Variants in TTC39B observed in about 807,000 individuals in gnomAD.
The protein encoded by TTC39B is tetratricopeptide repeat protein 39B.
In TTC39B, 92 loss-of-function variants were observed where a neutral mutation model predicts 96.6. The ratio of observed to expected loss-of-function variants is 0.95; its 90% CI spans 0.80 to 1.13. The LOEUF (loss-of-function observed/expected upper bound fraction) is 1.13. TTC39B is among the 50% of genes most tolerant of loss of function. The probability of loss-of-function intolerance (pLI) is 0.00; values close to 1 mark genes in which losing one functional copy is unlikely to be tolerated. For missense variants in TTC39B, 955 were observed against 809.3 expected, an observed-to-expected ratio of 1.18 and a Z score of -2.18; for synonymous variants, 367 against 299.4, an observed-to-expected ratio of 1.23 and a Z score of -2.33.
rs577270923 is a variant in TTC39B at position 15,193,636 on chromosome 9, T to C, written c.825-941A>G. Reference sequence around the variant, plus strand: ...CTGGGTCATTTATTTTTTATTATGGTGCATTTTGCCAAGATAAAATGATGA... The same window carrying C: ...CTGGGTCATTTATTTTTTATTATGGCGCATTTTGCCAAGATAAAATGATGA... On this transcript the variant is annotated intron_variant, in intron 8 of 19. Coordinates refer to ENST00000512701, the Ensembl canonical transcript of TTC39B. 2.6e-5 allele frequency among the ~76,000 whole-genome samples: 4 copies of C among 152,336 alleles called. No homozygotes were observed. The South Asian group carries it at 8.3e-4, about 32-fold the overall frequency.
At chr9:15,211,332 G>A in exon 5 of TTC39B, 2 of 1,596,888 alleles carry the variant, frequency 1.3e-6, no homozygotes, top group South Asian at 1.1e-5. Flanking sequence ...TTGCTCGAAG[G>A]TCAGGACAGC....
intron 8 of TTC39B, among the ~76,000 whole-genome samples, chr9:15,197,965 G>T (rs566975216): frequency 6.6e-6 from 1 of 152,222 alleles, no homozygotes; most frequent in African/African-American, 2.4e-5. Flanking sequence ...GTTGAAAGCT[G>T]ACACCCTCTA....
chr9:15,246,941 T>C (rs1822305795), intron 2 of TTC39B, among the ~76,000 whole-genome samples: 1 of 152,260 alleles, frequency 6.6e-6, no homozygotes, highest in Non-Finnish European at 1.5e-5. Context: ...TGGTGATTTG[T>C]TACACAGCTA....
intron 1 of TTC39B, among the ~76,000 whole-genome samples, chr9:15,271,886 T>A (rs957621570): frequency 7.9e-5 from 12 of 152,236 alleles, no homozygotes; most frequent in Non-Finnish European, 1.5e-4. Flanking sequence ...TTTATGAGAC[T>A]CTTATTTCCA....
At chr9:15,202,952 G>A (rs1819629203) in intron 7 of TTC39B, among the ~76,000 whole-genome samples, 1 of 152,022 alleles carries the variant, frequency 6.6e-6, no homozygotes, top group South Asian at 2.1e-4. Context: ...AAATTAAAAT[G>A]GATCATAAGA....
At chr9:15,182,243 A>G in intron 17 of TTC39B, 64 bp downstream of exon 17, 7 of 1,040,478 alleles carry the variant, frequency 6.7e-6, no homozygotes, top group Non-Finnish European at 1.0e-5. Context: ...TGCACAGGGA[A>G]AAGACAGGAG....
At chr9:15,202,501 C>T (rs937019019) in intron 7 of TTC39B, among the ~76,000 whole-genome samples, 4 of 152,136 alleles carry the variant, frequency 2.6e-5, no homozygotes, top group African/African-American at 9.7e-5. Context: ...CACCTGAGGT[C>T]AGGAGTTCGA....
chr9:15,299,433 G>A (rs1824496622), intron 1 of TTC39B, among the ~76,000 whole-genome samples: 2 of 152,154 alleles, frequency 1.3e-5, no homozygotes, highest in Admixed American at 1.3e-4. Context: ...CCTTTAGAGA[G>A]GTGTGATGAC....
chr9:15,242,418 CA>C (rs1822085633), intron 2 of TTC39B, among the ~76,000 whole-genome samples: 1 of 152,010 alleles, frequency 6.6e-6, no homozygotes, highest in African/African-American at 2.4e-5. Context: ...CCCATCTCTA[CA>C]AAAAATACGA....
chr9:15,239,073 A>T (rs1474432378), intron 2 of TTC39B, among the ~76,000 whole-genome samples: 7 of 152,222 alleles, frequency 4.6e-5, no homozygotes, highest in African/African-American at 1.7e-4. Context: ...AACAAGAAAG[A>T]AACAACACCA....
intron 2 of TTC39B, chr9:15,250,043 C>T (rs1202928570): frequency 1.6e-6 from 2 of 1,283,422 alleles, no homozygotes; most frequent in Non-Finnish European, 2.0e-6. Context: ...ATTTTAGAGC[C>T]AACAAAAATC....
In TTC39B at chr9:15,194,584, A is replaced by T. The variant is rs114721488; in HGVS notation, c.825-1889T>A. The stretch of plus-strand genomic sequence containing the variant: ...ATTTGTGGATACTGCATTTTTTACA[A>T]ATTGAAGATTTGTGGCAACTCTGTG... On this transcript the variant is annotated intron_variant, in intron 8 of 19. Coordinates refer to ENST00000512701, the Ensembl canonical transcript of TTC39B. 3.7e-3 allele frequency among the ~76,000 whole-genome samples: 565 copies of T among 152,282 alleles called. 5 individuals are homozygous for T. Among genetic ancestry groups the T allele is most frequent in the African/African-American group, 0.013 (530 of 41,558 alleles).
intron 1 of TTC39B, among the ~76,000 whole-genome samples, chr9:15,285,196 G>A (rs1190035433): frequency 5.9e-5 from 9 of 151,702 alleles, no homozygotes; most frequent in African/African-American, 2.2e-4. Context: ...GTGAACCCGG[G>A]AGGCGGAGTT....
At chr9:15,165,419 T>A (rs1263954462) in exon 20 of TTC39B, 1 of 152,134 alleles carries the variant, frequency 6.6e-6, no homozygotes, top group East Asian at 1.9e-4. Context: ...TTTGTCTACA[T>A]TAAAAATAGG....
exon 20 of TTC39B, chr9:15,171,307 A>G (rs1234610921): frequency 3.3e-5 from 5 of 152,208 alleles, no homozygotes; most frequent in Non-Finnish European, 5.9e-5. Context: ...AAATTCCTAA[A>G]ATATGACACT....
Position 15,189,624 on chromosome 9 carries a change from C to T in TTC39B, c.1183G>A (p.Val395Met), listed in dbSNP as rs369959214. The T allele has an allele frequency of 2.0e-5, 32 of 1,613,980 alleles. No individual in the cohort carries two copies. The highest frequency in any genetic ancestry group is 1.6e-4 in the Middle Eastern group (1 of 6,084). The change falls in exon 13 of 20, where the codon GTG becomes ATG. Residue 395 changes from valine (V) to methionine (M), a missense_variant. Transcript: ENST00000512701. ...TCTATTCGGGCATGATAAAACAACA[C>T]GAGTGAGCCCTGCAGAGCAAGGAAG... is the stretch of plus-strand genomic sequence containing the variant.
chr9:15,291,339 T>G (rs568189397), intron 1 of TTC39B, among the ~76,000 whole-genome samples: 8 of 152,280 alleles, frequency 5.3e-5, no homozygotes, highest in African/African-American at 1.9e-4. Flanking sequence ...ATCTGATGGT[T>G]TTAAAAATGG....
At chr9:15,197,874 G>C (rs980733701) in intron 8 of TTC39B, among the ~76,000 whole-genome samples, 2 of 152,094 alleles carry the variant, frequency 1.3e-5, no homozygotes, top group Admixed American at 6.5e-5. Context: ...CATCGACTCA[G>C]AATACTATAG....
intron 1 of TTC39B, among the ~76,000 whole-genome samples, chr9:15,279,674 G>C (rs939076528): frequency 6.6e-6 from 1 of 152,044 alleles, no homozygotes; most frequent in Non-Finnish European, 1.5e-5. Flanking sequence ...AAAGGTACTC[G>C]TGAGTGGCAC....
Sources: allele counts gnomAD v4.1 joint callset (sites outside exome capture counted in the v4.1 genomes callset), GRCh38; gene constraint gnomAD v4.1.1; transcripts MANE v1.5; gene names NCBI Gene and HGNC (gene_info 2026-07-23, HGNC 2026-07-21).